KIAA1217: variants seen among roughly 807,000 people sequenced by gnomAD.
KIAA1217 encodes the protein KIAA1217.
KIAA1217 carries 88 observed loss-of-function variants against 163.9 expected under a neutral mutation model. The observed-to-expected ratio is 0.54, with a 90% CI of 0.45 to 0.64. KIAA1217 has a LOEUF of 0.64. Ranked by LOEUF, KIAA1217 falls within the 30% of genes least tolerant of loss-of-function variation. KIAA1217 has a pLI of 0.00. For missense variants in KIAA1217, 2,372 were observed against 2,475.0 expected (o/e 0.96, Z 0.88); for synonymous variants, 903 against 923.1 (o/e 0.98, Z 0.39).
At chr10:24,320,724 T>A (rs1216019693) in intron 2 of KIAA1217, among the ~76,000 whole-genome samples, 1 of 152,160 alleles carries the variant, frequency 6.6e-6, no homozygotes, top group East Asian at 1.9e-4. Flanking sequence ...TTTTTCATTC[T>A]CATAAGTCAC....
At chr10:23,756,680 T>C (rs1833938004) in intron 1 of KIAA1217, among the ~76,000 whole-genome samples, 1 of 152,206 alleles carries the variant, frequency 6.6e-6, no homozygotes, top group Non-Finnish European at 1.5e-5. Flanking sequence ...TATATAACAG[T>C]CCTTTCAAAA....
At chr10:24,197,431 C>A (rs866653982) in intron 2 of KIAA1217, among the ~76,000 whole-genome samples, 27 of 152,156 alleles carry the variant, frequency 1.8e-4, no homozygotes, top group African/African-American at 6.5e-4. Flanking sequence ...AAGAATGTAC[C>A]AACAGAAACC....
At chr10:24,044,829 C>T (rs1243325567) in intron 2 of KIAA1217, among the ~76,000 whole-genome samples, 1 of 152,088 alleles carries the variant, frequency 6.6e-6, no homozygotes, top group Non-Finnish European at 1.5e-5. Context: ...CTGTCCTCAG[C>T]ATCTCTATCC....
At chr10:24,170,086 T>C (rs946824487) in intron 2 of KIAA1217, among the ~76,000 whole-genome samples, 1 of 152,222 alleles carries the variant, frequency 6.6e-6, no homozygotes, top group Non-Finnish European at 1.5e-5. Context: ...CTATTGGTTG[T>C]GATTATCTAC....
intron 14 of KIAA1217, among the ~76,000 whole-genome samples, chr10:24,529,624 G>A (rs570563987): frequency 6.6e-6 from 1 of 151,950 alleles, no homozygotes; most frequent in Non-Finnish European, 1.5e-5. Context: ...TCCACTCACT[G>A]CATCCCTCCC....
chr10:24,162,407 G>A (rs1226605311), intron 2 of KIAA1217, among the ~76,000 whole-genome samples: 1 of 152,204 alleles, frequency 6.6e-6, no homozygotes, highest in African/African-American at 2.4e-5. Flanking sequence ...CGTCCTTGAG[G>A]AGGCGTTGTT....
Position 24,000,435 on chromosome 10 carries a change from G to A in KIAA1217, c.-320-6790G>A, listed in dbSNP as rs141632193. Among the ~76,000 whole-genome samples, 15 of 152,278 alleles carry A rather than the reference G, an allele frequency of 9.9e-5. No individual in the cohort carries two copies. In the East Asian group the frequency reaches 2.1e-3, roughly 22 times the overall value. On this transcript the variant is annotated intron_variant, in intron 1 of 18. Transcript: ENST00000376462. ...ATGTGAAGAAGGACAGGTTTGCTTC[G>A]CCTTCTGCCATAATTGTAAGTTTCC...
At chr10:24,054,296 A>G (rs1405556052) in intron 2 of KIAA1217, among the ~76,000 whole-genome samples, 1 of 152,204 alleles carries the variant, frequency 6.6e-6, no homozygotes, top group Non-Finnish European at 1.5e-5. Flanking sequence ...GGATCTAGAG[A>G]TCAGGGCAGG....
intron 1 of KIAA1217, among the ~76,000 whole-genome samples, chr10:23,830,795 A>C (rs1041818784): frequency 1.3e-5 from 2 of 149,936 alleles, no homozygotes; most frequent in African/African-American, 5.0e-5. Context: ...GAAAATAGAT[A>C]GGTGATAGAG....
At chr10:24,032,751 G>A (rs116532989) in intron 2 of KIAA1217, among the ~76,000 whole-genome samples, 3,304 of 152,162 alleles carry the variant, frequency 0.022, 127 homozygotes, top group African/African-American at 0.076. Flanking sequence ...GTCACCCAGC[G>A]CTTTGGGGTT....
chr10:24,537,533 C>T (rs539478987), intron 17 of KIAA1217, among the ~76,000 whole-genome samples: 1 of 151,078 alleles, frequency 6.6e-6, no homozygotes, highest in South Asian at 2.1e-4. Flanking sequence ...GCCGAGATTG[C>T]GCCACTGCAC....
intron 17 of KIAA1217, among the ~76,000 whole-genome samples, chr10:24,538,053 T>G (rs2074291764): frequency 6.6e-6 from 1 of 152,230 alleles, no homozygotes; most frequent in Non-Finnish European, 1.5e-5. Flanking sequence ...CTAGCTTTCC[T>G]TAAACAAAAT....
intron 1 of KIAA1217, among the ~76,000 whole-genome samples, chr10:23,833,763 G>A (rs1029757177): frequency 2.6e-5 from 4 of 151,892 alleles, no homozygotes; most frequent in Admixed American, 6.6e-5. Context: ...CTCTTCAAAT[G>A]TTGCCTTGGT....
At chr10:24,307,874 C>T (rs913513995) in intron 2 of KIAA1217, among the ~76,000 whole-genome samples, 19 of 152,190 alleles carry the variant, frequency 1.2e-4, no homozygotes, top group African/African-American at 4.3e-4. Flanking sequence ...GGAGGCAAAA[C>T]TCCCGCATAG....
intron 1 of KIAA1217, among the ~76,000 whole-genome samples, chr10:23,851,995 C>A (rs1839364821): frequency 6.6e-6 from 1 of 151,890 alleles, no homozygotes; most frequent in East Asian, 1.9e-4. Flanking sequence ...TTTTTTTTTG[C>A]TGTGCAGAAG....
In KIAA1217 at chr10:24,433,718, T is replaced by C. The variant is rs751749605; in HGVS notation, c.752+525T>C. Among the ~76,000 whole-genome samples, 9 of 152,146 alleles carry C rather than the reference T, an allele frequency of 5.9e-5. No individual in the cohort carries two copies. In the East Asian group the frequency reaches 9.6e-4, roughly 16 times the overall value. ...TCCCCCTCAAGTGTTCTTTCCTCCA[T>C]AGAAAGACCCTGTGGACATTTTAGG... On this transcript the variant is annotated intron_variant, in intron 4 of 20. Transcript: ENST00000376454.
chr10:24,053,341 A>G (rs1564641854), intron 2 of KIAA1217, among the ~76,000 whole-genome samples: 1 of 152,182 alleles, frequency 6.6e-6, no homozygotes, highest in Non-Finnish European at 1.5e-5. Context: ...ACTTTAACAG[A>G]CATTCATGGT....
chr10:23,696,060 T>TG (rs1836016511), intron 1 of KIAA1217, among the ~76,000 whole-genome samples: 1 of 152,198 alleles, frequency 6.6e-6, no homozygotes, highest in Non-Finnish European at 1.5e-5. Flanking sequence ...AGACCCTGTC[T>TG]GTTCAAAAGA....
intron 2 of KIAA1217, among the ~76,000 whole-genome samples, chr10:24,304,827 G>A (rs917707481): frequency 5.3e-5 from 8 of 152,144 alleles, no homozygotes; most frequent in Non-Finnish European, 1.2e-4. Flanking sequence ...GTGTAGTTTA[G>A]GGTGGCTGCA....
Sources: gnomAD v4.1 joint callset for allele counts (sites outside exome capture counted in the v4.1 genomes callset) on GRCh38, gnomAD v4.1.1 for gene constraint, MANE v1.5 for transcripts, NCBI Gene and HGNC (gene_info 2026-07-23, HGNC 2026-07-21) for gene names.